ZNF578: variants seen among roughly 807,000 people sequenced by gnomAD.
The protein encoded by ZNF578 is Putative chemokine-related protein B42.
In ZNF578, 8 loss-of-function variants were observed where a neutral mutation model predicts 8.3. The ratio of observed to expected loss-of-function variants is 0.96; its 90% CI spans 0.56 to 1.74. The LOEUF is 1.74. ZNF578 is among the 40% of genes most tolerant of loss of function. ZNF578 has a pLI of 0.00. For missense variants in ZNF578, 726 were observed against 707.5 expected (o/e 1.03, Z -0.30); for synonymous variants, 206 against 232.2 (o/e 0.89, Z 1.03).
intron 2 of ZNF578, among the ~76,000 whole-genome samples, chr19:52,490,677 A>T (rs111793631): frequency 0.19 from 29,151 of 150,726 alleles, 3,412 homozygotes; most frequent in Non-Finnish European, 0.26. Flanking sequence ...TTGCTCTGTC[A>T]CCCAGGCTGG....
chr19:52,507,732 G>C (rs2059430415), intron 5 of ZNF578, among the ~76,000 whole-genome samples: 1 of 152,122 alleles, frequency 6.6e-6, no homozygotes, highest in South Asian at 2.1e-4. Flanking sequence ...CAGGCAATGA[G>C]CTCTTTACTG....
intron 2 of ZNF578, among the ~76,000 whole-genome samples, chr19:52,478,030 T>A (rs2122828928): frequency 1.3e-5 from 2 of 152,298 alleles, no homozygotes; most frequent in Admixed American, 1.3e-4. Context: ...ATGTTCCAGG[T>A]CTGAATAAGG....
intron 5 of ZNF578, among the ~76,000 whole-genome samples, chr19:52,509,275 CAT>C (rs1313375065): frequency 6.6e-6 from 1 of 152,012 alleles, no homozygotes; most frequent in African/African-American, 2.4e-5. Flanking sequence ...GTGATCTTAA[CAT>C]GTATTTCAGT....
intron 2 of ZNF578, among the ~76,000 whole-genome samples, chr19:52,462,698 A>G (rs945302780): frequency 6.6e-6 from 1 of 150,572 alleles, no homozygotes; most frequent in African/African-American, 2.4e-5. Context: ...GTTTGTCTTC[A>G]TGTGGTCAGC....
Position 52,512,355 on chromosome 19 carries a change from T to G in ZNF578, c.*201T>G, listed in dbSNP as rs1208152197. 1.3e-6 allele frequency: 2 copies of G among 1,515,930 alleles called. No individual in the cohort carries two copies. The highest frequency in any genetic ancestry group is 1.7e-4 in the Middle Eastern group (1 of 5,876). The allele number at this position is 1,515,930 out of a possible 1,614,324, so 93.9% of individuals were successfully genotyped here. A position where few individuals can be genotyped will look rare whatever the true frequency, so the allele number is the denominator to read the frequency against. ...TAGGGAAACTTGACTAATGTAATGA[T>G]TGTCACAAAGTCTTCAGTAACGCTA... is the stretch of plus-strand genomic sequence containing the variant. On this transcript the variant is annotated 3_prime_UTR_variant, in exon 6 of 6. Coordinates refer to ENST00000421239, the MANE Select transcript of ZNF578 (RefSeq NM_001099694.2).
At chr19:52,460,609 T>C (rs2059254839) in intron 2 of ZNF578, among the ~76,000 whole-genome samples, 1 of 152,246 alleles carries the variant, frequency 6.6e-6, no homozygotes, top group Admixed American at 6.5e-5. Context: ...TTCCTTCTTT[T>C]GATCGATTCC....
In ZNF578 at chr19:52,513,289, T is replaced by C. The variant is rs2059457109; in HGVS notation, c.*1135T>C. 6.6e-6 allele frequency among the ~76,000 whole-genome samples: 1 copy of C among 151,284 alleles called. No individual in the cohort carries two copies. Among genetic ancestry groups the C allele is most frequent in the South Asian group, 2.1e-4 (1 of 4,802 alleles). On this transcript the variant is annotated 3_prime_UTR_variant, in exon 6 of 6. Transcript: ENST00000421239. ...CGCCCACCTCAGCCTCCCAAAGTGA[T>C]GAGATTACAGGCATATGCCACCGCG...
In ZNF578 at chr19:52,477,631, T is replaced by C. The variant is rs755429508; in HGVS notation, c.-121-13693T>C. Among the ~76,000 whole-genome samples the C allele has an allele frequency of 6.6e-5, 10 of 151,890 alleles. No individual in the cohort carries two copies. The East Asian group carries it at 1.4e-3, about 21-fold the overall frequency. ...TTTTTTCCATTTTAGGGTTTGACCATTGGCTCTTTTTAGACTTATCAACTG... is the reference window on the plus strand; with the variant it reads ...TTTTTTCCATTTTAGGGTTTGACCACTGGCTCTTTTTAGACTTATCAACTG... On this transcript the variant is annotated intron_variant, in intron 2 of 5. Coordinates refer to ENST00000421239, the MANE Select transcript of ZNF578 (RefSeq NM_001099694.2).
In ZNF578 at chr19:52,512,157, T is replaced by C; in HGVS notation, c.*3T>C. On this transcript the variant is annotated 3_prime_UTR_variant, in exon 6 of 6. Coordinates refer to ENST00000421239, the MANE Select transcript of ZNF578 (RefSeq NM_001099694.2). ...TCAAGCCTTGCATGTCATCATAGAC[T>C]TCATACTGGAGAGAAACCTTACAAA... The C allele has an allele frequency of 6.2e-7, 1 of 1,613,788 alleles. No homozygotes were observed.
At chr19:52,494,407 G>A (rs1002530256) in intron 3 of ZNF578, among the ~76,000 whole-genome samples, 1 of 152,208 alleles carries the variant, frequency 6.6e-6, no homozygotes, top group African/African-American at 2.4e-5. Context: ...AGAGGCTGGA[G>A]GATCACTTGA....
chr19:52,497,510 C>T (rs932467173), intron 3 of ZNF578, among the ~76,000 whole-genome samples: 32 of 152,316 alleles, frequency 2.1e-4, no homozygotes, highest in African/African-American at 7.7e-4. Context: ...TGTGAGTCAC[C>T]ATGCCCGGCC....
rs768973755 is a variant in ZNF578, at chr19:52,511,754, A to G, written c.1373A>G (p.Glu458Gly). 2.5e-6 allele frequency: 4 copies of G among 1,613,488 alleles called. No individual in the cohort carries two copies. The highest frequency in any genetic ancestry group is 2.5e-6 in the Non-Finnish European group (3 of 1,179,848). The change falls in exon 6 of 6, where the codon GAA becomes GGA. Residue 458 changes from glutamate (E) to glycine (G), a missense_variant. Glu to Gly is a moderately conservative substitution (Grantham distance 98). Coordinates refer to ENST00000421239, the MANE Select transcript of ZNF578 (RefSeq NM_001099694.2). Reference sequence around the variant, plus strand: ...ACTGGAGAGAAATCTTACAAATGTGAAGAATGTGACAGAGTTTTCAGTCAG... The same window carrying G: ...ACTGGAGAGAAATCTTACAAATGTGGAGAATGTGACAGAGTTTTCAGTCAG... ...LHTGEKSYKC[E>G]ECDRVFSQKS...
intron 2 of ZNF578, among the ~76,000 whole-genome samples, chr19:52,489,116 A>G (rs2059356180): frequency 6.6e-6 from 1 of 151,996 alleles, no homozygotes; most frequent in Admixed American, 6.6e-5. Context: ...TAAAAAAAGA[A>G]AAAGTAGCCG....
intron 2 of ZNF578, among the ~76,000 whole-genome samples, chr19:52,488,142 G>T (rs1401073364): frequency 6.6e-6 from 1 of 151,542 alleles, no homozygotes; most frequent in East Asian, 2.0e-4. Flanking sequence ...GTAGAGACGA[G>T]GTTTCATCAT....
At chr19:52,482,285 G>C (rs560138033) in intron 2 of ZNF578, among the ~76,000 whole-genome samples, 3 of 152,198 alleles carry the variant, frequency 2.0e-5, no homozygotes, top group Admixed American at 2.0e-4. Context: ...CTCCCCACCT[G>C]GGCCTCCCAA....
intron 5 of ZNF578, among the ~76,000 whole-genome samples, chr19:52,509,851 G>C (rs1448445453): frequency 6.6e-6 from 1 of 151,698 alleles, no homozygotes; most frequent in South Asian, 2.1e-4. Context: ...ATTGAGAAAA[G>C]TATTGTATTA....
At chr19:52,485,168 C>G (rs1277132565) in intron 2 of ZNF578, among the ~76,000 whole-genome samples, 1 of 152,020 alleles carries the variant, frequency 6.6e-6, no homozygotes, top group Non-Finnish European at 1.5e-5. Context: ...CCAACCCTCA[C>G]ACCACCTCTG....
intron 1 of ZNF578, 113 bp downstream of exon 1, chr19:52,453,720 A>G (rs1021023778): frequency 9.2e-5 from 14 of 152,178 alleles, no homozygotes; most frequent in African/African-American, 3.4e-4. Flanking sequence ...CATCCTAGGT[A>G]TATTAATACG....
intron 2 of ZNF578, among the ~76,000 whole-genome samples, chr19:52,467,469 A>G (rs2059279062): frequency 6.6e-6 from 1 of 152,160 alleles, no homozygotes; most frequent in African/African-American, 2.4e-5. Flanking sequence ...TAAAAAATTT[A>G]GCTGAGCGTG....
Sources: gnomAD v4.1 joint callset for allele counts (sites outside exome capture counted in the v4.1 genomes callset) on GRCh38, gnomAD v4.1.1 for gene constraint, MANE v1.5 for transcripts, NCBI Gene and HGNC (gene_info 2026-07-23, HGNC 2026-07-21) for gene names.